The following SNX29 variants were observed in gnomAD, a reference collection of about 807,000 sequenced individuals.
The protein encoded by SNX29 is sorting nexin-29.
A neutral mutation model predicts 102.1 loss-of-function variants in SNX29; 78 were observed. The ratio of observed to expected loss-of-function variants is 0.76; its 90% CI spans 0.64 to 0.92. SNX29 has a LOEUF of 0.92. Ranked by LOEUF, SNX29 falls within the 40% of genes least tolerant of loss-of-function variation. The pLI is 0.00. For missense variants in SNX29, 1,280 were observed against 1,061.7 expected (o/e 1.21, Z -2.86); for synonymous variants, 580 against 414.5 (o/e 1.40, Z -4.85).
chr16:12,480,563 G>T (rs990418632), intron 19 of SNX29, among the ~76,000 whole-genome samples: 2 of 152,158 alleles, frequency 1.3e-5, no homozygotes, highest in African/African-American at 4.8e-5. Flanking sequence ...GTCATGTGAG[G>T]TTCTGGGGAT....
rs1179910160 is a variant in SNX29, at chr16:12,043,026, A to C, written c.377A>C (p.His126Pro). 1.2e-6 allele frequency: 2 copies of C among 1,613,264 alleles called. No homozygotes were observed. The highest frequency in any genetic ancestry group is 1.7e-6 in the Non-Finnish European group (2 of 1,179,834). ...TGGCTGCGCTGTGCCCTCAACGAAC[A>C]CTCCCTGGAGCGCTACCTGCACATG... ...RAWLRCALNE[H>P]SLERYLHMLL... The change falls in exon 5 of 21, where the codon CAC (histidine) becomes CCC (proline). Residue 126 changes from histidine (H) to proline (P), a missense_variant. Transcript: ENST00000566228.
intron 14 of SNX29, among the ~76,000 whole-genome samples, chr16:12,275,774 A>G (rs1456669168): frequency 6.6e-6 from 1 of 150,574 alleles, no homozygotes; most frequent in African/African-American, 2.4e-5. Context: ...TAAATTGTGC[A>G]TATGTATGAG....
At chr16:12,000,723 A>G (rs933487774) in intron 2 of SNX29, among the ~76,000 whole-genome samples, 1 of 152,108 alleles carries the variant, frequency 6.6e-6, no homozygotes, top group African/African-American at 2.4e-5. Context: ...AGCCCAGAGA[A>G]TGCAGTATCT....
chr16:12,199,762 C>G (rs2076867967), intron 14 of SNX29, 79 bp downstream of exon 14: 4 of 1,162,436 alleles, frequency 3.4e-6, no homozygotes, highest in Middle Eastern at 2.4e-4. Flanking sequence ...AATAGACACT[C>G]AATGTGTGAC....
intron 3 of SNX29, among the ~76,000 whole-genome samples, chr16:12,015,854 A>G (rs1002017554): frequency 1.3e-5 from 2 of 149,862 alleles, no homozygotes; most frequent in Non-Finnish European, 3.0e-5. Flanking sequence ...TATAGTTCTA[A>G]TGATTCTTTT....
intron 20 of SNX29, among the ~76,000 whole-genome samples, chr16:12,544,019 T>TAG (rs916636656): frequency 1.3e-5 from 2 of 152,240 alleles, no homozygotes; most frequent in African/African-American, 4.8e-5. Flanking sequence ...CCCTGGACTC[T>TAG]AGACCCCGTT....
intron 13 of SNX29, among the ~76,000 whole-genome samples, chr16:12,168,756 A>G (rs1463081748): frequency 2.0e-5 from 3 of 152,248 alleles, no homozygotes; most frequent in African/African-American, 7.2e-5. Flanking sequence ...AGTTATTATT[A>G]GATCGTTACA....
At chr16:12,036,307 T>C (rs1277106521) in intron 4 of SNX29, among the ~76,000 whole-genome samples, 2 of 151,090 alleles carry the variant, frequency 1.3e-5, no homozygotes, top group Non-Finnish European at 2.9e-5. Context: ...CAGGCTGGTC[T>C]TGGGTTTTCT....
intron 16 of SNX29, among the ~76,000 whole-genome samples, chr16:12,357,076 C>T (rs142481398): frequency 2.6e-5 from 4 of 152,344 alleles, no homozygotes; most frequent in African/African-American, 9.6e-5. Flanking sequence ...TTACAAACCA[C>T]AATGCCGTGA....
At chr16:12,405,022 A>T (rs958602902) in intron 18 of SNX29, among the ~76,000 whole-genome samples, 5 of 152,196 alleles carry the variant, frequency 3.3e-5, no homozygotes, top group African/African-American at 1.2e-4. Flanking sequence ...GCTCCGGTTT[A>T]AAGGGAGAAT....
chr16:12,556,443 C>A (rs530017953), intron 20 of SNX29: 2 of 152,222 alleles, frequency 1.3e-5, no homozygotes, highest in East Asian at 1.9e-4. Context: ...TGAAGAAACT[C>A]CAAGGAACTC....
At chr16:12,325,201 A>C (rs990320906) in intron 15 of SNX29, among the ~76,000 whole-genome samples, 5 of 152,328 alleles carry the variant, frequency 3.3e-5, no homozygotes, top group African/African-American at 1.2e-4. Flanking sequence ...CATTTTGACT[A>C]TAGCCCTTCC....
At chr16:12,343,529 C>T (rs2081678021) in intron 15 of SNX29, among the ~76,000 whole-genome samples, 1 of 152,162 alleles carries the variant, frequency 6.6e-6, no homozygotes, top group Admixed American at 6.5e-5. Context: ...TGAACCTGTT[C>T]TCATGCCTCC....
intron 15 of SNX29, among the ~76,000 whole-genome samples, chr16:12,300,172 G>A (rs1188159848): frequency 6.6e-6 from 1 of 152,134 alleles, no homozygotes. Flanking sequence ...GCAGCTGGCC[G>A]GGATAAATAC....
chr16:12,256,401 C>T (rs1253449599), intron 14 of SNX29, among the ~76,000 whole-genome samples: 1 of 152,142 alleles, frequency 6.6e-6, no homozygotes, highest in Non-Finnish European at 1.5e-5. Flanking sequence ...GATCTTGGCT[C>T]ACTGCAACCT....
chr16:12,419,393 A>G (rs936388459), intron 18 of SNX29, among the ~76,000 whole-genome samples: 23 of 152,064 alleles, frequency 1.5e-4, no homozygotes, highest in Admixed American at 1.4e-3. Flanking sequence ...TGACCACCTC[A>G]TTCTTCTCAT....
chr16:11,994,464 G>C (rs911976167), intron 1 of SNX29, among the ~76,000 whole-genome samples: 64 of 152,214 alleles, frequency 4.2e-4, no homozygotes, highest in African/African-American at 1.5e-3. Context: ...TGCAGGTTGT[G>C]ATGGAGGTCG....
chr16:12,126,777 G>A, intron 12 of SNX29, 81 bp downstream of exon 12: 2 of 1,522,370 alleles, frequency 1.3e-6, no homozygotes, highest in African/African-American at 2.7e-5. Context: ...AACAGATGAG[G>A]GACATTTTGC....
chr16:12,202,844 TG>T (rs1312310079), intron 14 of SNX29, among the ~76,000 whole-genome samples: 1 of 152,238 alleles, frequency 6.6e-6, no homozygotes, highest in Non-Finnish European at 1.5e-5. Flanking sequence ...CTGAGGGGTC[TG>T]GGGAGAGCAG....
Sources: allele counts gnomAD v4.1 joint callset (sites outside exome capture counted in the v4.1 genomes callset), GRCh38; gene constraint gnomAD v4.1.1; transcripts MANE v1.5; gene names NCBI Gene and HGNC (gene_info 2026-07-23, HGNC 2026-07-21).